Variants in SP4 observed in about 807,000 individuals in gnomAD.
The protein encoded by SP4 is Sp4 transcription factor, also known as transcription factor Sp4.
In SP4, 19 loss-of-function variants were observed where a neutral mutation model predicts 72.8. That is an observed-to-expected ratio of 0.26 (90% CI 0.18 to 0.38). SP4 has a LOEUF of 0.38. SP4 is among the 10% of genes least tolerant of loss of function. The pLI, the probability that SP4 is intolerant of heterozygous loss-of-function variation, is 1.00. For missense variants in SP4, 1,008 were observed against 926.3 expected, an observed-to-expected ratio of 1.09 and a Z score of -1.14; for synonymous variants, 395 against 333.1, an observed-to-expected ratio of 1.19 and a Z score of -2.02.
At chr7:21,484,036 C>T (rs1275145418) in intron 5 of SP4, among the ~76,000 whole-genome samples, 1 of 151,610 alleles carries the variant, frequency 6.6e-6, no homozygotes, top group Non-Finnish European at 1.5e-5. Context: ...AACAGCAACA[C>T]CGGCATAGAA....
At chr7:21,442,328 C>T (rs1433402268) in intron 3 of SP4, among the ~76,000 whole-genome samples, 2 of 152,166 alleles carry the variant, frequency 1.3e-5, no homozygotes, top group Non-Finnish European at 2.9e-5. Context: ...GCGTAAGCCA[C>T]CACGCCTGGG....
At chr7:21,481,618 T>A (rs1432875876) in intron 4 of SP4, among the ~76,000 whole-genome samples, 1 of 152,212 alleles carries the variant, frequency 6.6e-6, no homozygotes, top group African/African-American at 2.4e-5. Context: ...TAGAGAAGTT[T>A]CAAGTGTTTT....
chr7:21,513,130 A>G lies in SP4; in HGVS notation c.*1861A>G, dbSNP rs1355182613. ...AATTTCAGGAAAAGTACTAATGCGA[A>G]TTCTCTTCCAAAATTGTGATGTTTC... On this transcript the variant is annotated 3_prime_UTR_variant, in exon 6 of 6. Coordinates refer to ENST00000222584, the MANE Select transcript of SP4 (RefSeq NM_003112.5). 2 of 152,626 alleles carry G rather than the reference A, an allele frequency of 1.3e-5. No individual in the cohort carries two copies. The highest frequency in any genetic ancestry group is 2.4e-5 in the African/African-American group (1 of 41,456). The allele number at this position is 152,626 out of a possible 1,614,324, so 9.5% of individuals were successfully genotyped here. A position where few individuals can be genotyped will look rare whatever the true frequency, so the allele number is the denominator to read the frequency against.
intron 3 of SP4, among the ~76,000 whole-genome samples, chr7:21,451,216 T>G (rs1012630974): frequency 6.6e-6 from 1 of 152,224 alleles, no homozygotes; most frequent in African/African-American, 2.4e-5. Context: ...TTAGTGTGTA[T>G]GCTTGAGCTC....
At chr7:21,465,442 C>T (rs1784136517) in intron 3 of SP4, among the ~76,000 whole-genome samples, 1 of 152,170 alleles carries the variant, frequency 6.6e-6, no homozygotes, top group Non-Finnish European at 1.5e-5. Context: ...CACTTAATAG[C>T]AGCTATGTAA....
At chr7:21,459,864 A>G (rs1054736332) in intron 3 of SP4, among the ~76,000 whole-genome samples, 1 of 152,262 alleles carries the variant, frequency 6.6e-6, no homozygotes, top group African/African-American at 2.4e-5. Flanking sequence ...TTCTGAGAGC[A>G]TAAAGGTAGA....
At chr7:21,428,368 G>A (rs1296260330) in intron 1 of SP4, 110 bp downstream of exon 1, 3 of 718,102 alleles carry the variant, frequency 4.2e-6, no homozygotes, top group Non-Finnish European at 7.8e-6. Flanking sequence ...GATGCTTTAA[G>A]GGGAGGAGGA....
At chr7:21,451,278 G>C (rs1783592235) in intron 3 of SP4, among the ~76,000 whole-genome samples, 1 of 152,200 alleles carries the variant, frequency 6.6e-6, no homozygotes, top group African/African-American at 2.4e-5. Flanking sequence ...GCCAGCTTCA[G>C]GTGTTTCTAG....
intron 4 of SP4, among the ~76,000 whole-genome samples, chr7:21,478,578 T>C (rs1361924381): frequency 6.6e-6 from 1 of 152,252 alleles, no homozygotes; most frequent in Non-Finnish European, 1.5e-5. Flanking sequence ...TGAAGTCATA[T>C]GTCACTGCAG....
At position 21,430,444 on chromosome 7, in the gene SP4, CTCCAGTCAGGGCAGACGATTCAGACCA is replaced by C; in HGVS notation, c.1285_1311del (p.Ser429_Gln437del). The stretch of plus-strand genomic sequence containing the variant: ...GGCTATTCCACCACAGTCGTTTCAA[CTCCAGTCAGGGCAGACGATTCAGACCA>C]TCCAGCAGCAGCCTTTACAGAATGT... On this transcript the variant is annotated inframe_deletion, in exon 3 of 6. Coordinates refer to ENST00000222584, the MANE Select transcript of SP4 (RefSeq NM_003112.5). 6.2e-7 allele frequency: 1 copy of C among 1,613,896 alleles called. No homozygotes were observed. Among genetic ancestry groups the C allele is most frequent in the Non-Finnish European group, 8.5e-7 (1 of 1,179,856 alleles).
chr7:21,485,825 C>A (rs1258200172), intron 5 of SP4, among the ~76,000 whole-genome samples: 1 of 151,928 alleles, frequency 6.6e-6, no homozygotes, highest in Admixed American at 6.6e-5. Context: ...CTGGAGCCTT[C>A]CATCTTTCTA....
intron 5 of SP4, among the ~76,000 whole-genome samples, chr7:21,492,771 T>C: frequency 6.6e-6 from 1 of 152,240 alleles, no homozygotes; most frequent in Admixed American, 6.5e-5. Flanking sequence ...CTGTATACTC[T>C]GGATAAAGAG....
intron 3 of SP4, among the ~76,000 whole-genome samples, chr7:21,437,449 T>A (rs1406105898): frequency 6.6e-6 from 1 of 152,222 alleles, no homozygotes; most frequent in African/African-American, 2.4e-5. Context: ...ATTATTCACC[T>A]CCTTACGAGG....
rs995519649 is a variant in SP4 at position 21,472,269 on chromosome 7, G to A, written c.1679-4810G>A. Among the ~76,000 whole-genome samples the A allele has an allele frequency of 1.0e-4, 14 of 138,054 alleles. 1 individual carries two copies. The highest frequency in any genetic ancestry group is 3.5e-3 in the Middle Eastern group (1 of 284). The allele number at this position is 138,054 out of a possible 152,430, so 90.6% of individuals were successfully genotyped here. A position where few individuals can be genotyped will look rare whatever the true frequency, so the allele number is the denominator to read the frequency against. On this transcript the variant is annotated intron_variant, in intron 3 of 5. Transcript: ENST00000222584. ...CTAGGAAGAGTAGAGGGTGTATTTT[G>A]TTTGATTGTTTGTTTGTTTGTTTGT...
intron 3 of SP4, among the ~76,000 whole-genome samples, chr7:21,468,593 T>G (rs1784238918): frequency 6.6e-6 from 1 of 152,114 alleles, no homozygotes; most frequent in Admixed American, 6.5e-5. Context: ...TGCTCTTGTA[T>G]TTGGCCATCT....
chr7:21,500,953 CTT>C (rs1781848623), intron 5 of SP4, among the ~76,000 whole-genome samples: 1 of 152,162 alleles, frequency 6.6e-6, no homozygotes, highest in Non-Finnish European at 1.5e-5. Flanking sequence ...AAAAGCGAGA[CTT>C]TTAATGGTGG....
In SP4 at chr7:21,513,555, A is replaced by C. The variant is rs562872945; in HGVS notation, c.*2286A>C. ...GAAACATCAAATATATATTTTATCT[A>C]TCATTATGCTACACAATCAGTGCTA... On this transcript the variant is annotated 3_prime_UTR_variant, in exon 6 of 6. Transcript: ENST00000222584. 6.5e-6 allele frequency: 1 copy of C among 152,688 alleles called. No individual in the cohort carries two copies. The highest frequency in any genetic ancestry group is 1.5e-5 in the Non-Finnish European group (1 of 67,996). The allele number at this position is 152,688 out of a possible 1,614,324, so 9.5% of individuals were successfully genotyped here. A position where few individuals can be genotyped will look rare whatever the true frequency, so the allele number is the denominator to read the frequency against.
chr7:21,461,892 T>A (rs1198883078), intron 3 of SP4, among the ~76,000 whole-genome samples: 1 of 152,112 alleles, frequency 6.6e-6, no homozygotes, highest in East Asian at 1.9e-4. Context: ...AAAATGAAGT[T>A]CACAAGGTTG....
At chr7:21,474,778 G>T (rs1169575259) in intron 3 of SP4, among the ~76,000 whole-genome samples, 1 of 152,156 alleles carries the variant, frequency 6.6e-6, no homozygotes, top group East Asian at 1.9e-4. Context: ...CACTTCACTT[G>T]CATTGCTTTA....
Sources: allele counts gnomAD v4.1 joint callset (sites outside exome capture counted in the v4.1 genomes callset), GRCh38; gene constraint gnomAD v4.1.1; transcripts MANE v1.5; gene names NCBI Gene and HGNC (gene_info 2026-07-23, HGNC 2026-07-21).